The following LRRTM4 variants were observed in gnomAD, a reference collection of about 807,000 sequenced individuals.
The protein encoded by LRRTM4 is leucine rich repeat transmembrane neuronal 4.
A neutral mutation model predicts 47.6 loss-of-function variants in LRRTM4; 25 were observed. The ratio of observed to expected loss-of-function variants is 0.53; its 90% confidence interval spans 0.38 to 0.73. LRRTM4 has a LOEUF of 0.73. Ranked by LOEUF, LRRTM4 falls within the 30% of genes least tolerant of loss-of-function variation. The pLI is 0.00. For missense variants in LRRTM4, 638 were observed against 713.4 expected, an observed-to-expected ratio of 0.89 and a Z score of 1.20; for synonymous variants, 311 against 269.5, an observed-to-expected ratio of 1.15 and a Z score of -1.51.
intron 3 of LRRTM4, among the ~76,000 whole-genome samples, chr2:77,405,575 T>C (rs1269943701): frequency 2.0e-5 from 3 of 152,120 alleles, no homozygotes; most frequent in Non-Finnish European, 4.4e-5. Flanking sequence ...CTAGCTAACA[T>C]CTATTTGTGT....
chr2:76,876,634 G>T (rs974674170), intron 3 of LRRTM4, among the ~76,000 whole-genome samples: 11 of 151,858 alleles, frequency 7.2e-5, no homozygotes, highest in African/African-American at 2.4e-4. Context: ...AATTCTTTAT[G>T]CTCTACTTCT....
chr2:77,429,551 C>T (rs973084359), intron 3 of LRRTM4, among the ~76,000 whole-genome samples: 20 of 151,986 alleles, frequency 1.3e-4, no homozygotes, highest in African/African-American at 2.2e-4. Flanking sequence ...TCGTTTACAA[C>T]GACATAGATC....
At chr2:77,160,611 CT>C (rs1672685754) in intron 3 of LRRTM4, among the ~76,000 whole-genome samples, 1 of 152,028 alleles carries the variant, frequency 6.6e-6, no homozygotes, top group Admixed American at 6.6e-5. Context: ...TTGTCCAAGG[CT>C]TTTTATTGTA....
chr2:76,871,078 T>A (rs575196828), intron 3 of LRRTM4, among the ~76,000 whole-genome samples: 1 of 152,204 alleles, frequency 6.6e-6, no homozygotes, highest in South Asian at 2.1e-4. Context: ...TGGGAAAAAA[T>A]CAATATCAAT....
intron 3 of LRRTM4, among the ~76,000 whole-genome samples, chr2:77,137,521 T>G (rs1015837428): frequency 1.3e-5 from 2 of 151,922 alleles, no homozygotes; most frequent in Non-Finnish European, 2.9e-5. Flanking sequence ...TGCAAAAACA[T>G]GCCAAATTGT....
At chr2:77,163,433 C>T (rs1270244375) in intron 3 of LRRTM4, among the ~76,000 whole-genome samples, 1 of 152,148 alleles carries the variant, frequency 6.6e-6, no homozygotes, top group Non-Finnish European at 1.5e-5. Flanking sequence ...ACTTCCCAAC[C>T]TAACAAGGCA....
chr2:77,225,206 A>C (rs1674767974), intron 3 of LRRTM4, among the ~76,000 whole-genome samples: 1 of 103,582 alleles, frequency 9.7e-6, no homozygotes, highest in Non-Finnish European at 1.8e-5. Flanking sequence ...CACACCGGGG[A>C]CTGTTGTGGG....
At chr2:76,974,298 C>G (rs757957734) in intron 3 of LRRTM4, among the ~76,000 whole-genome samples, 6 of 146,688 alleles carry the variant, frequency 4.1e-5, no homozygotes, top group Non-Finnish European at 7.5e-5. Flanking sequence ...CATACCAGAG[C>G]ATTATCAATG....
At chr2:76,930,737 G>C (rs1427892115) in intron 3 of LRRTM4, among the ~76,000 whole-genome samples, 1 of 152,126 alleles carries the variant, frequency 6.6e-6, no homozygotes, top group Non-Finnish European at 1.5e-5. Context: ...ACTAGATAAA[G>C]TCATGTGTCC....
chr2:77,223,369 C>T lies in LRRTM4; in HGVS notation c.1551+294949G>A, dbSNP rs577644062. On this transcript the variant is annotated intron_variant, in intron 3 of 3. Coordinates refer to ENST00000409884, the MANE Select transcript of LRRTM4 (RefSeq NM_001134745.3). ...GGACATTCTGGCCAGGGCAATCAGGCAGTAGAAGGAAATAAAAGGCATTCA... is the reference window on the plus strand; with the variant it reads ...GGACATTCTGGCCAGGGCAATCAGGTAGTAGAAGGAAATAAAAGGCATTCA... Among the ~76,000 whole-genome samples the T allele has an allele frequency of 3.3e-5, 5 of 152,184 alleles. No individual in the cohort carries two copies. The East Asian group carries it at 5.8e-4, about 18-fold the overall frequency.
At chr2:77,247,405 T>C (rs1675477442) in intron 3 of LRRTM4, among the ~76,000 whole-genome samples, 1 of 152,110 alleles carries the variant, frequency 6.6e-6, no homozygotes, top group South Asian at 2.1e-4. Flanking sequence ...ACATTTTCTC[T>C]TTTTTTGTTA....
intron 3 of LRRTM4, among the ~76,000 whole-genome samples, chr2:77,473,317 A>G (rs1677261467): frequency 6.6e-6 from 1 of 152,146 alleles, no homozygotes; most frequent in Non-Finnish European, 1.5e-5. Context: ...TTATCAAGAA[A>G]ATCATAAGGA....
At chr2:77,261,333 CA>C (rs1481586944) in intron 3 of LRRTM4, among the ~76,000 whole-genome samples, 11 of 152,202 alleles carry the variant, frequency 7.2e-5, no homozygotes, top group Admixed American at 6.6e-4. Flanking sequence ...ATGCTCTAGT[CA>C]ATGGGCTGTG....
intron 3 of LRRTM4, among the ~76,000 whole-genome samples, chr2:76,867,337 G>T (rs1386970758): frequency 2.0e-5 from 3 of 152,152 alleles, no homozygotes; most frequent in Admixed American, 2.0e-4. Context: ...AACTCTGCTA[G>T]AAGTACAAAT....
intron 3 of LRRTM4, among the ~76,000 whole-genome samples, chr2:76,880,049 G>A (rs1395428679): frequency 1.3e-5 from 2 of 152,234 alleles, no homozygotes; most frequent in African/African-American, 2.4e-5. Flanking sequence ...ATCTTGAGAT[G>A]GAATCTACTC....
chr2:77,140,158 C>A (rs1198777145), intron 3 of LRRTM4, among the ~76,000 whole-genome samples: 1 of 152,124 alleles, frequency 6.6e-6, no homozygotes, highest in Non-Finnish European at 1.5e-5. Flanking sequence ...AAAGGGCCCT[C>A]ATTGCCAAGA....
At chr2:77,293,889 C>G (rs1676898491) in intron 3 of LRRTM4, among the ~76,000 whole-genome samples, 1 of 152,028 alleles carries the variant, frequency 6.6e-6, no homozygotes, top group Non-Finnish European at 1.5e-5. Flanking sequence ...CCCTGAATGA[C>G]AAAAGGGACC....
intron 3 of LRRTM4, among the ~76,000 whole-genome samples, chr2:76,888,271 A>C (rs935236349): frequency 1.3e-5 from 2 of 151,322 alleles, no homozygotes; most frequent in Non-Finnish European, 3.0e-5. Flanking sequence ...GATAATGATA[A>C]TTTCTATAAT....
At chr2:77,242,495 T>G (rs1439413401) in intron 3 of LRRTM4, among the ~76,000 whole-genome samples, 1 of 152,054 alleles carries the variant, frequency 6.6e-6, no homozygotes, top group Non-Finnish European at 1.5e-5. Flanking sequence ...ATTTTCAAAA[T>G]GGACAAATAA....
Sources: allele counts gnomAD v4.1 joint callset (sites outside exome capture counted in the v4.1 genomes callset), GRCh38; gene constraint gnomAD v4.1.1; transcripts MANE v1.5; gene names NCBI Gene and HGNC (gene_info 2026-07-23, HGNC 2026-07-21).